Variants in MYH7 observed in about 807,000 individuals in gnomAD.
MYH7 encodes the protein myosin heavy chain 7.
In MYH7, 129 loss-of-function variants were observed where a neutral mutation model predicts 225.4. The observed-to-expected ratio is 0.57, with a 90% CI of 0.50 to 0.66. MYH7 has a LOEUF of 0.66. Ranked by LOEUF, MYH7 falls within the 30% of genes least tolerant of loss-of-function variation. MYH7 has a pLI of 0.00. For missense variants in MYH7, 1,649 were observed against 2,517.0 expected, an observed-to-expected ratio of 0.66 and a Z score of 7.38; for synonymous variants, 971 against 1,007.6, an observed-to-expected ratio of 0.96 and a Z score of 0.69.
intron 26 of MYH7, 95 bp from the exon 27 acceptor site, chr14:23,420,329 G>T: frequency 1.3e-6 from 2 of 1,544,856 alleles, no homozygotes; most frequent in Middle Eastern, 2.0e-4. Context: ...GGAACAGCAA[G>T]TCAGTTTAGC....
rs797044600 is a variant in MYH7 at position 23,416,194 on chromosome 14, C to T, written c.4763G>A (p.Arg1588His). 7.4e-6 allele frequency: 12 copies of T among 1,614,128 alleles called. No homozygotes were observed. Among genetic ancestry groups the T allele is most frequent in the Admixed American group, 3.3e-5 (2 of 60,026 alleles). Residue 1588 changes from arginine to histidine, a missense_variant, in exon 34 of 40, where the codon CGC becomes CAC. Arg to His is a conservative substitution (Grantham distance 29). Coordinates refer to ENST00000355349, the MANE Select transcript of MYH7 (RefSeq NM_000257.4). ...CGAGTCCACCACCCGCAGGTGGTTG[C>T]GCTTGGCCTGTTCCATCTCCTCGTC... ...EKDEEMEQAKRNHLRVVDSLQ... is the reference protein window; with the variant it reads ...EKDEEMEQAKHNHLRVVDSLQ...
In MYH7 at chr14:23,416,130, G is replaced by C. The variant is rs587781085; in HGVS notation, c.4827C>G (p.Asn1609Lys). ...TSLDAETRSR[N>K]EALRVKKKME... ...TCTTCTTCTTCACCCTCAGGGCCTC[G>C]TTGCGGCTGCGTGTCTCTGCGTCCA... Residue 1609 changes from asparagine (N) to lysine (K), a missense_variant, in exon 34 of 40, where the codon AAC becomes AAG. By Grantham distance (94) the Asn-to-Lys change is moderately conservative. Coordinates refer to ENST00000355349, the MANE Select transcript of MYH7 (RefSeq NM_000257.4). The C allele has an allele frequency of 6.2e-7, 1 of 1,614,190 alleles. No individual in the cohort carries two copies.
intron 33 of MYH7, 138 bp downstream of exon 33, chr14:23,416,730 A>G: frequency 1.0e-5 from 14 of 1,344,632 alleles, no homozygotes; most frequent in Non-Finnish European, 1.5e-5. Flanking sequence ...TCTTCACTGA[A>G]TGCCTACTAT....
In MYH7 at chr14:23,430,916, T is replaced by C; in HGVS notation, c.880A>G (p.Lys294Glu). Residue 294 changes from lysine (K) to glutamate (E), a missense_variant, in exon 10 of 40, where the codon AAG becomes GAG. Physicochemically the swap from Lys to Glu is moderately conservative, Grantham distance 56 (BLOSUM62 1). Coordinates refer to ENST00000355349, the MANE Select transcript of MYH7 (RefSeq NM_000257.4). ...TCTGACTCACCCAGCAGCTCAGGCT[T>C]TTTGTTAGACAGGATTTGGTAGAAA... ...HIFYQILSNK[K>E]PELLDMLLIT... The C allele has an allele frequency of 6.2e-7, 1 of 1,613,390 alleles. No homozygotes were observed. Among genetic ancestry groups the C allele is most frequent in the Non-Finnish European group, 8.5e-7 (1 of 1,179,344 alleles).
chr14:23,419,682 G>C, intron 27 of MYH7, 73 bp from the exon 28 acceptor site: 1 of 1,612,782 alleles, frequency 6.2e-7, no homozygotes, highest in Non-Finnish European at 8.5e-7. Flanking sequence ...AGGTGCAACT[G>C]AAGGAGAAAA....
rs142844109 is a variant in MYH7 at position 23,415,133 on chromosome 14, G to C, written c.5421C>G (p.Gly1807=). The C allele has an allele frequency of 6.2e-7, 1 of 1,614,120 alleles. No individual in the cohort carries two copies. Among genetic ancestry groups the C allele is most frequent in the Admixed American group, 1.7e-5 (1 of 60,024 alleles). ...CCAGCTTCTGCAGCTGCTTCTTGCC[G>C]CCCTTGAGGGCGATCTGCTCGGCTT... ...LDEAEQIALK[G]GKKQLQKLEA... is the part of the protein sequence containing the mutation. The change falls in exon 37 of 40, where the codon GGC becomes GGG. Residue 1807 remains glycine, a synonymous_variant. Transcript: ENST00000355349. This position sits in a 1 kb window ranked among gnomAD's most constrained non-coding sequence, Gnocchi z 6.3.
In MYH7 at chr14:23,417,222, G is replaced by T. The variant is rs1555336651; in HGVS notation, c.4450C>A (p.Leu1484Ile). 1 of 1,614,080 alleles carries T rather than the reference G, an allele frequency of 6.2e-7. No homozygotes were observed. Among genetic ancestry groups the T allele is most frequent in the African/African-American group, 1.3e-5 (1 of 74,930 alleles). The part of the protein sequence containing the change: ...ARSLSTELFK[L>I]KNAYEESLEH... ...AGGGACTCCTCATAGGCGTTCTTGAGTTTGAAGAGCTCTGTGCTGAGGGAG... is the reference window on the plus strand; with the variant it reads ...AGGGACTCCTCATAGGCGTTCTTGATTTTGAAGAGCTCTGTGCTGAGGGAG... The change falls in exon 32 of 40, where the codon CTC becomes ATC. Residue 1484 changes from leucine to isoleucine, a missense_variant. By Grantham distance (5) the Leu-to-Ile change is conservative. Transcript: ENST00000355349.
rs747313837 is a variant in MYH7, at chr14:23,425,254, C to A, written c.2423+28G>T. 1 of 1,614,140 alleles carries A rather than the reference C, an allele frequency of 6.2e-7. No individual in the cohort carries two copies. The highest frequency in any genetic ancestry group is 8.5e-7 in the Non-Finnish European group (1 of 1,180,028). On this transcript the variant is annotated intron_variant, in intron 21 of 39. Coordinates refer to ENST00000355349, the MANE Select transcript of MYH7 (RefSeq NM_000257.4). This position sits in a 1 kb window ranked among gnomAD's most constrained non-coding sequence, Gnocchi z 4.6. ...TGAACCAGCCTGGGCCTCAGAGAAG[C>A]GGGAAACCTCCTCTTGAGATCTCTC...
At chr14:23,429,135 C>T (rs769959900) in intron 13 of MYH7, 31 bp from the exon 14 acceptor site, 1 of 1,614,220 alleles carries the variant, frequency 6.2e-7, no homozygotes, top group South Asian at 1.1e-5. Context: ...CCATATTGAG[C>T]AGGGTTGTTG....
intron 26 of MYH7, among the ~76,000 whole-genome samples, chr14:23,420,533 T>C (rs750621339): frequency 6.6e-6 from 1 of 152,126 alleles, no homozygotes; most frequent in Non-Finnish European, 1.5e-5. Flanking sequence ...ATAACAAAAG[T>C]TGAAAATGAG....
chr14:23,433,716 A>G lies in MYH7; in HGVS notation c.17T>C (p.Met6Thr), dbSNP rs779276614. Residue 6 changes from methionine to threonine, a missense_variant, in exon 3 of 40, where the codon ATG becomes ACG. By Grantham distance (81) the Met-to-Thr change is moderately conservative (BLOSUM62 -1). Around this residue, in one of 12 missense-constraint regions of MYH7, gnomAD observed 91 missense variants for 96.5 expected, o/e 0.94. Coordinates refer to ENST00000355349, the MANE Select transcript of MYH7 (RefSeq NM_000257.4). This position sits in a 1 kb window ranked among gnomAD's most constrained non-coding sequence, Gnocchi z 4.1. ...GGGGGCGGCAGCCCCAAAGACTGCC[A>G]TCTCCGAATCTCCCATGGCTGTGCC... MGDSE[M>T]AVFGAAAPYL... 17 of 1,614,074 alleles carry G rather than the reference A, an allele frequency of 1.1e-5. No homozygotes were observed. Among genetic ancestry groups the G allele is most frequent in the South Asian group, 8.8e-5 (8 of 91,082 alleles).
intron 4 of MYH7, 112 bp downstream of exon 4, chr14:23,432,972 G>A (rs45501197): frequency 1.6e-5 from 24 of 1,547,020 alleles, no homozygotes; most frequent in African/African-American, 4.1e-5. Flanking sequence ...GTTGGGACGA[G>A]GTTAGAGTGT....
chr14:23,417,213 C>T lies in MYH7; in HGVS notation c.4459G>A (p.Ala1487Thr), dbSNP rs766909770. The T allele has an allele frequency of 6.2e-6, 10 of 1,614,092 alleles. No individual in the cohort carries two copies. The highest frequency in any genetic ancestry group is 1.7e-5 in the Admixed American group (1 of 60,014). Residue 1487 changes from alanine to threonine, a missense_variant, in exon 32 of 40, where the codon GCC (alanine) becomes ACC (threonine). By Grantham distance (58) the Ala-to-Thr change is moderately conservative. Around this residue, in one of 12 missense-constraint regions of MYH7, gnomAD observed 687 missense variants for 913.8 expected, o/e 0.75. Coordinates refer to ENST00000355349, the MANE Select transcript of MYH7 (RefSeq NM_000257.4). ...LSTELFKLKNAYEESLEHLET... is the reference protein window; with the variant it reads ...LSTELFKLKNTYEESLEHLET... ...AGATGTTCCAGGGACTCCTCATAGG[C>T]GTTCTTGAGTTTGAAGAGCTCTGTG...
rs397516198 is a variant in MYH7, at chr14:23,418,385, C to T, written c.3994G>A (p.Ala1332Thr). 1.8e-5 allele frequency: 29 copies of T among 1,611,578 alleles called. No individual in the cohort carries two copies. Among genetic ancestry groups the T allele is most frequent in the African/African-American group, 1.3e-5 (1 of 74,866 alleles). The change falls in exon 30 of 40, where the codon GCA (alanine) becomes ACA (threonine). Residue 1332 changes from alanine to threonine, a missense_variant. Ala to Thr is a moderately conservative substitution (Grantham distance 58, BLOSUM62 0). Transcript: ENST00000355349. ...CAGTCATGCCGGGCCGACTGCAGTGCGTGGGCCAGGGCGTTCTTCGCCTGG... is the reference window on the plus strand; with the variant it reads ...CAGTCATGCCGGGCCGACTGCAGTGTGTGGGCCAGGGCGTTCTTCGCCTGG... ...EVKAKNALAHALQSARHDCDL... is the reference protein window; with the variant it reads ...EVKAKNALAHTLQSARHDCDL...
chr14:23,421,867 G>T, intron 25 of MYH7: 1 of 776,490 alleles, frequency 1.3e-6, no homozygotes, highest in Non-Finnish European at 1.6e-6. Flanking sequence ...CTTCCTCCAT[G>T]TCAAGGAACT....
At chr14:23,414,915 G>A in intron 37 of MYH7, 80 bp downstream of exon 37, 1 of 1,597,542 alleles carries the variant, frequency 6.3e-7, no homozygotes, top group East Asian at 2.2e-5. Flanking sequence ...GAGGCTAAGA[G>A]CAAACTCTTC....
At chr14:23,427,141 G>C in intron 17 of MYH7, 99 bp downstream of exon 17, 3 of 1,094,212 alleles carry the variant, frequency 2.7e-6, no homozygotes, top group Non-Finnish European at 4.0e-6. Context: ...AGGAGACAGG[G>C]AACGGGAGGA....
intron 12 of MYH7, 122 bp downstream of exon 12, chr14:23,429,653 G>A (rs1892845235): frequency 1.3e-5 from 19 of 1,413,140 alleles, no homozygotes; most frequent in Non-Finnish European, 1.8e-5. Context: ...TCCAGCCTGG[G>A]CAACAGAGCA....
At chr14:23,418,870 C>T (rs925270911) in intron 29 of MYH7, among the ~76,000 whole-genome samples, 18 of 152,156 alleles carry the variant, frequency 1.2e-4, no homozygotes, top group African/African-American at 4.1e-4. Context: ...CTGCAAATCC[C>T]AGGACCCATT....
Sources: allele counts gnomAD v4.1 joint callset (sites outside exome capture counted in the v4.1 genomes callset), GRCh38; gene constraint gnomAD v4.1.1; regional missense constraint gnomAD v4.1.1; non-coding constraint Gnocchi (gnomAD v3.1); transcripts MANE v1.5; gene names NCBI Gene and HGNC (gene_info 2026-07-23, HGNC 2026-07-21).